Variants in ATP6V0D2 observed in about 807,000 individuals in gnomAD.
ATP6V0D2 encodes V-type proton ATPase subunit d 2.
A neutral mutation model predicts 40.0 loss-of-function variants in ATP6V0D2; 40 were observed. The observed-to-expected ratio is 1.00, with a 90% CI of 0.78 to 1.30. The LOEUF (loss-of-function observed/expected upper bound fraction) is 1.30. Among genes scored for constraint, ATP6V0D2 ranks in the 50% most tolerant of loss-of-function variants. The pLI is 0.00. For missense variants in ATP6V0D2, 470 were observed against 423.1 expected (o/e 1.11, Z -0.97); for synonymous variants, 179 against 156.3 (o/e 1.15, Z -1.08).
At chr8:86,118,083 TTC>T (rs67730132) in intron 2 of ATP6V0D2, among the ~76,000 whole-genome samples, 46,015 of 96,762 alleles carry the variant, frequency 0.48, 12,010 homozygotes, top group Non-Finnish European at 0.59. Context: ...CTTTCTTTCT[TTC>T]TTTTTTTTTT....
At chr8:86,133,914 T>C (rs1170369298) in intron 2 of ATP6V0D2, among the ~76,000 whole-genome samples, 1 of 152,038 alleles carries the variant, frequency 6.6e-6, no homozygotes, top group Non-Finnish European at 1.5e-5. Flanking sequence ...AAAGAAATAA[T>C]GGCTGAAAAT....
Position 86,141,496 on chromosome 8 carries a change from G to A in ATP6V0D2, c.528G>A (p.Leu176=). Residue 176 remains leucine (L), a synonymous_variant, in exon 4 of 8, where the codon CTG becomes CTA. Coordinates refer to ENST00000285393, the MANE Select transcript of ATP6V0D2 (RefSeq NM_152565.1). ...DCMSENALDE[L]NIELLRNKLY... The stretch of plus-strand genomic sequence containing the variant: ...TGTCTGAAAATGCTCTAGATGAACT[G>A]AATATTGAATTGCTACGCAATAAAC... 2 of 1,609,394 alleles carry A rather than the reference G, an allele frequency of 1.2e-6. No homozygotes were observed. The highest frequency in any genetic ancestry group is 1.7e-6 in the Non-Finnish European group (2 of 1,177,220).
intron 2 of ATP6V0D2, among the ~76,000 whole-genome samples, chr8:86,125,122 C>T (rs141606321): frequency 2.0e-5 from 3 of 152,078 alleles, no homozygotes; most frequent in Non-Finnish European, 4.4e-5. Flanking sequence ...GCTGATGCCA[C>T]ATGTCAGCAA....
At position 86,151,520 on chromosome 8, in the gene ATP6V0D2, G is replaced by A. The variant is rs1819152281; in HGVS notation, c.871G>A (p.Asp291Asn). 1 of 1,608,578 alleles carries A rather than the reference G, an allele frequency of 6.2e-7. No individual in the cohort carries two copies. The highest frequency in any genetic ancestry group is 8.5e-7 in the Non-Finnish European group (1 of 1,177,670). The change falls in exon 7 of 8, where the codon GAC becomes AAC. Residue 291 changes from aspartate to asparagine, a missense_variant. By Grantham distance (23) the Asp-to-Asn change is conservative (BLOSUM62 1). Coordinates refer to ENST00000285393, the MANE Select transcript of ATP6V0D2 (RefSeq NM_152565.1). The part of the protein sequence containing the change: ...VGGSGGKTLE[D>N]VFYEREVQMN... ...TGGCAGTGGGGGAAAGACATTGGAGGACGTGTTTTACGAGCGTGAGGTATG... is the reference window on the plus strand; with the variant it reads ...TGGCAGTGGGGGAAAGACATTGGAGAACGTGTTTTACGAGCGTGAGGTATG...
At position 86,144,084 on chromosome 8, in the gene ATP6V0D2, C is replaced by T. The variant is rs146880049; in HGVS notation, c.639+1130C>T. ...CATTTAATTATGTGTCAAACACCAC[C>T]ATTGGTATCTACCTCTCTAGCTGAT... On this transcript the variant is annotated intron_variant, in intron 5 of 7. Transcript: ENST00000285393. 1.3e-3 allele frequency among the ~76,000 whole-genome samples: 201 copies of T among 152,262 alleles called. 4 individuals are homozygous for T. The highest frequency in any genetic ancestry group is 4.6e-3 in the African/African-American group (193 of 41,542).
intron 5 of ATP6V0D2, among the ~76,000 whole-genome samples, chr8:86,145,180 G>A (rs1403444885): frequency 9.4e-6 from 1 of 106,068 alleles, no homozygotes; most frequent in Non-Finnish European, 1.9e-5. Context: ...GAGAGAAAGA[G>A]AGAAAGAAAG....
intron 4 of ATP6V0D2, 83 bp downstream of exon 4, chr8:86,141,612 C>T: frequency 2.2e-6 from 2 of 925,852 alleles, no homozygotes; most frequent in South Asian, 3.9e-5. Context: ...TTACTTTACT[C>T]ATTAACCAAC....
intron 7 of ATP6V0D2, 25 bp downstream of exon 7, chr8:86,151,565 T>C: frequency 6.5e-7 from 1 of 1,548,384 alleles, no homozygotes; most frequent in Non-Finnish European, 8.8e-7. Context: ...GAAATACTAT[T>C]AGCTTATTTT....
intron 1 of ATP6V0D2, among the ~76,000 whole-genome samples, chr8:86,108,565 G>A (rs1283023482): frequency 1.3e-5 from 2 of 151,960 alleles, no homozygotes; most frequent in Non-Finnish European, 2.9e-5. Context: ...GTGGGGAAAG[G>A]CAGGGGGCTG....
At position 86,111,186 on chromosome 8, in the gene ATP6V0D2, C is replaced by CTT. The variant is rs113457318; in HGVS notation, c.131-2513_131-2512dup. 5.0e-5 allele frequency among the ~76,000 whole-genome samples: 7 copies of CTT among 139,228 alleles called. No homozygotes were observed. In the East Asian group the frequency reaches 6.7e-4, roughly 13 times the overall value. 91.3% of individuals were successfully genotyped at this position (139,228 alleles called of 152,430 possible). Reference sequence around the variant, plus strand: ...GTCGTTTTTTTCTTTTTTTTTCTTTCTTTTTTTTTTTAAATGTAGAGACAA... The same window carrying CTT: ...GTCGTTTTTTTCTTTTTTTTTCTTTCTTTTTTTTTTTTTAAATGTAGAGACAA... On this transcript the variant is annotated intron_variant, in intron 1 of 7. Coordinates refer to ENST00000285393, the MANE Select transcript of ATP6V0D2 (RefSeq NM_152565.1).
In ATP6V0D2 at chr8:86,142,900, A is replaced by T; in HGVS notation, c.585A>T (p.Lys195Asn). ...AGTCTTACCTTGAGGCATTCTATAA[A>T]TTCTGTAAGAATCATGGTGATGTCA... is the stretch of plus-strand genomic sequence containing the variant. ...LYKSYLEAFY[K>N]FCKNHGDVTA... Residue 195 changes from lysine (K) to asparagine (N), a missense_variant, in exon 5 of 8, where the codon AAA becomes AAT. Coordinates refer to ENST00000285393, the MANE Select transcript of ATP6V0D2 (RefSeq NM_152565.1). 6.2e-7 allele frequency: 1 copy of T among 1,609,166 alleles called. No individual in the cohort carries two copies. The highest frequency in any genetic ancestry group is 8.5e-7 in the Non-Finnish European group (1 of 1,176,864).
chr8:86,151,631 A>G, intron 7 of ATP6V0D2, 91 bp downstream of exon 7: 1 of 960,848 alleles, frequency 1.0e-6, no homozygotes. Context: ...TTTACAGCTG[A>G]TCATGCCAAT....
intron 2 of ATP6V0D2, among the ~76,000 whole-genome samples, chr8:86,119,154 A>T (rs780732457): frequency 5.9e-5 from 9 of 152,150 alleles, no homozygotes; most frequent in Non-Finnish European, 1.3e-4. Context: ...TCTAGTTCTA[A>T]AAACAGCTGT....
At chr8:86,135,425 A>G (rs1028545752) in intron 2 of ATP6V0D2, among the ~76,000 whole-genome samples, 2 of 152,184 alleles carry the variant, frequency 1.3e-5, no homozygotes, top group African/African-American at 4.8e-5. Flanking sequence ...CTTTTATCTG[A>G]ACCTACTAGG....
intron 2 of ATP6V0D2, among the ~76,000 whole-genome samples, chr8:86,126,322 T>TCCCC (rs1401470057): frequency 1.2e-4 from 18 of 147,042 alleles, no homozygotes; most frequent in African/African-American, 4.2e-4. Context: ...GGTTTGTTAC[T>TCCCC]TAAGTAAACG....
At chr8:86,139,861 A>C (rs1818950286) in intron 3 of ATP6V0D2, among the ~76,000 whole-genome samples, 1 of 152,242 alleles carries the variant, frequency 6.6e-6, no homozygotes, top group Admixed American at 6.5e-5. Context: ...AAATGAAGCA[A>C]CCTGCTCAGA....
intron 5 of ATP6V0D2, among the ~76,000 whole-genome samples, chr8:86,144,684 G>A (rs1819022706): frequency 6.6e-6 from 1 of 152,020 alleles, no homozygotes; most frequent in Non-Finnish European, 1.5e-5. Flanking sequence ...TGATTTTTGA[G>A]ACAGGGTCTC....
At chr8:86,101,143 T>C (rs530507405) in intron 1 of ATP6V0D2, among the ~76,000 whole-genome samples, 11 of 99,802 alleles carry the variant, frequency 1.1e-4, no homozygotes, top group Admixed American at 8.6e-4. Flanking sequence ...TGAAATTCTG[T>C]CTCAAAAAAA....
chr8:86,145,233 A>AAGAAAGAAAGAAAG (rs1554589869), intron 5 of ATP6V0D2, among the ~76,000 whole-genome samples: 24 of 38,476 alleles, frequency 6.2e-4, no homozygotes, highest in East Asian at 1.2e-3. Flanking sequence ...GAAAGAAAGA[A>AAGAAAGAAAGAAAG]AGAGAGAGAG....
Sources: allele counts gnomAD v4.1 joint callset (sites outside exome capture counted in the v4.1 genomes callset), GRCh38; gene constraint gnomAD v4.1.1; transcripts MANE v1.5; gene names NCBI Gene and HGNC (gene_info 2026-07-23, HGNC 2026-07-21).